Variants in AGBL1 observed in about 807,000 individuals in gnomAD.
The protein encoded by AGBL1 is cytosolic carboxypeptidase 4.
Under a neutral mutation model 118.9 loss-of-function variants are expected in AGBL1, and 130 were observed. The observed-to-expected ratio is 1.09, with a 90% CI of 0.95 to 1.26. The LOEUF (loss-of-function observed/expected upper bound fraction) is 1.26, where lower values mean the gene tolerates loss of function less well. Ranked by LOEUF, AGBL1 falls within the 50% of genes most tolerant of loss-of-function variation. AGBL1 has a pLI of 0.00. For synonymous variants in AGBL1, 555 were observed against 478.9 expected, an observed-to-expected ratio of 1.16 and a Z score of -2.08; for missense variants, 1,584 against 1,298.1, an observed-to-expected ratio of 1.22 and a Z score of -3.38.
intron 22 of AGBL1, among the ~76,000 whole-genome samples, chr15:86,850,424 G>A (rs539910596): frequency 3.2e-4 from 49 of 152,166 alleles, no homozygotes; most frequent in African/African-American, 9.9e-4. Flanking sequence ...CTATAGCACC[G>A]ACTACATGCC....
At chr15:87,029,824 C>T (rs780793895), downstream of AGBL1, among the ~76,000 whole-genome samples, 8 of 151,182 alleles carry the variant, frequency 5.3e-5, no homozygotes, top group Middle Eastern at 6.8e-3. Flanking sequence ...CACACGTACA[C>T]ATGCAAACAC....
At chr15:86,842,832 G>C (rs541220565) in intron 22 of AGBL1, among the ~76,000 whole-genome samples, 4 of 152,278 alleles carry the variant, frequency 2.6e-5, no homozygotes, top group Non-Finnish European at 5.9e-5. Context: ...AGACCTGTTG[G>C]ATTAGTGATG....
intron 21 of AGBL1, among the ~76,000 whole-genome samples, chr15:86,636,987 A>G (rs897647865): frequency 4.6e-5 from 7 of 151,760 alleles, no homozygotes; most frequent in African/African-American, 1.7e-4. Context: ...TTTTAGGCAC[A>G]ACCAGGTATG....
intron 11 of AGBL1, among the ~76,000 whole-genome samples, chr15:86,265,949 G>A (rs2079064149): frequency 6.6e-6 from 1 of 152,260 alleles, no homozygotes; most frequent in Non-Finnish European, 1.5e-5. Context: ...AATTGCACAA[G>A]GGTACACAGG....
Position 86,361,483 on chromosome 15 carries a change from G to C in AGBL1, c.2375-35883G>C, listed in dbSNP as rs57479704. On this transcript the variant is annotated intron_variant, in intron 17 of 22. Coordinates refer to ENST00000614907, the MANE Select transcript of AGBL1 (RefSeq NM_001386094.1). ...TTCATTCAGTCCGTAGAGCTGTTCA[G>C]TTCTGCTTTTTCCTTACTGATATTC... Among the ~76,000 whole-genome samples the C allele has an allele frequency of 9.7e-3, 1,483 of 152,168 alleles. 34 individuals are homozygous for C. Among genetic ancestry groups the C allele is most frequent in the African/African-American group, 0.032 (1,348 of 41,544 alleles).
chr15:86,920,848 G>T (rs2080475494), downstream of AGBL1, among the ~76,000 whole-genome samples: 1 of 152,152 alleles, frequency 6.6e-6, no homozygotes, highest in Non-Finnish European at 1.5e-5. Flanking sequence ...CTTAGACATA[G>T]TTTTTTTCCT....
intron 23 of AGBL1, among the ~76,000 whole-genome samples, chr15:86,926,296 C>T (rs1451622543): frequency 6.6e-6 from 1 of 152,190 alleles, no homozygotes; most frequent in African/African-American, 2.4e-5. Context: ...ATTATCCTCA[C>T]TACATAAATC....
intron 6 of AGBL1, among the ~76,000 whole-genome samples, chr15:86,245,090 A>G (rs1265302283): frequency 6.6e-6 from 1 of 152,144 alleles, no homozygotes; most frequent in Non-Finnish European, 1.5e-5. Flanking sequence ...AAACAAACAA[A>G]CACCAACTGC....
intron 18 of AGBL1, among the ~76,000 whole-genome samples, chr15:86,512,906 A>T (rs956977769): frequency 6.6e-6 from 1 of 150,902 alleles, no homozygotes; most frequent in Non-Finnish European, 1.5e-5. Context: ...TCCAGTTATT[A>T]TTTTTTTTAA....
In AGBL1 at chr15:86,256,971, C is replaced by A; in HGVS notation, c.854C>A (p.Pro285Gln). 2 of 1,613,880 alleles carry A rather than the reference C, an allele frequency of 1.2e-6. No individual in the cohort carries two copies. The highest frequency in any genetic ancestry group is 1.1e-5 in the South Asian group (1 of 91,064). ...ACAGCCAGCAGTGCCTATGCCTTCCCGGTCCCCGGGTGCATCACCACTGAA... is the reference window on the plus strand; with the variant it reads ...ACAGCCAGCAGTGCCTATGCCTTCCAGGTCCCCGGGTGCATCACCACTGAA... ...LVTASSAYAF[P>Q]VPGCITTEPP... The change falls in exon 8 of 23, where the codon CCG becomes CAG. Residue 285 changes from proline (P) to glutamine (Q), a missense_variant. Physicochemically the swap from Pro to Gln is moderately conservative, Grantham distance 76 (BLOSUM62 -1). Coordinates refer to ENST00000614907, the MANE Select transcript of AGBL1 (RefSeq NM_001386094.1).
At chr15:86,665,952 C>G (rs2085636813) in intron 21 of AGBL1, among the ~76,000 whole-genome samples, 1 of 152,104 alleles carries the variant, frequency 6.6e-6, no homozygotes, top group South Asian at 2.1e-4. Context: ...TGTTTTATAT[C>G]AATACCGAAA....
At chr15:86,478,025 T>C (rs1451069378) in intron 18 of AGBL1, among the ~76,000 whole-genome samples, 1 of 152,142 alleles carries the variant, frequency 6.6e-6, no homozygotes, top group Non-Finnish European at 1.5e-5. Flanking sequence ...TTGACAAAAT[T>C]CAACAGCCCT....
intron 1 of AGBL1, among the ~76,000 whole-genome samples, chr15:86,104,724 A>G (rs1407713779): frequency 6.6e-6 from 1 of 152,206 alleles, no homozygotes; most frequent in Non-Finnish European, 1.5e-5. Flanking sequence ...TGGGCCTTAC[A>G]GCAGGATGCA....
chr15:86,282,833 T>A (rs756366297), intron 16 of AGBL1, among the ~76,000 whole-genome samples: 18 of 152,214 alleles, frequency 1.2e-4, no homozygotes, highest in Non-Finnish European at 2.2e-4. Context: ...TACGTTTCCA[T>A]GTGGAATTCA....
chr15:86,976,311 C>T (rs909612075), intron 23 of AGBL1, among the ~76,000 whole-genome samples: 5 of 151,160 alleles, frequency 3.3e-5, no homozygotes, highest in East Asian at 3.9e-4. Context: ...ATATATTGTT[C>T]ATAAATTTTT....
chr15:86,617,758 G>GCACACACACACA (rs1053481155), intron 21 of AGBL1, among the ~76,000 whole-genome samples: 1 of 82,294 alleles, frequency 1.2e-5, no homozygotes, highest in African/African-American at 4.7e-5. Context: ...TCAACTTTAT[G>GCACACACACACA]CGCACACACA....
At chr15:86,177,172 G>T (rs907534236) in intron 5 of AGBL1, among the ~76,000 whole-genome samples, 1 of 152,142 alleles carries the variant, frequency 6.6e-6, no homozygotes, top group African/African-American at 2.4e-5. Context: ...AAATAAAGTA[G>T]CTTTCAGAGC....
intron 1 of AGBL1, among the ~76,000 whole-genome samples, chr15:86,118,896 A>T (rs1002091961): frequency 6.6e-6 from 1 of 152,228 alleles, no homozygotes; most frequent in East Asian, 1.9e-4. Context: ...TTTATGTAGC[A>T]TCCACTGCTT....
intron 17 of AGBL1, among the ~76,000 whole-genome samples, chr15:86,365,553 T>A (rs1296429520): frequency 6.6e-6 from 1 of 152,186 alleles, no homozygotes; most frequent in African/African-American, 2.4e-5. Context: ...GGTAATTGAA[T>A]TTTTGCCTCT....
Sources: gnomAD v4.1 joint callset for allele counts (sites outside exome capture counted in the v4.1 genomes callset) on GRCh38, gnomAD v4.1.1 for gene constraint, MANE v1.5 for transcripts, NCBI Gene and HGNC (gene_info 2026-07-23, HGNC 2026-07-21) for gene names.